BRAF: variants seen among roughly 807,000 people sequenced by gnomAD.
BRAF encodes B-Raf proto-oncogene, serine/threonine kinase, also known as serine/threonine-protein kinase B-raf.
BRAF carries 16 observed loss-of-function variants against 104.6 expected under a neutral mutation model. The ratio of observed to expected loss-of-function variants is 0.15; its 90% CI spans 0.10 to 0.23. The LOEUF (loss-of-function observed/expected upper bound fraction) is 0.23, where lower values mean the gene tolerates loss of function less well. Among genes scored for constraint, BRAF ranks in the 10% least tolerant of loss-of-function variants. The pLI, the probability that BRAF is intolerant of heterozygous loss-of-function variation, is 1.00. For missense variants in BRAF, 541 were observed against 937.3 expected, an observed-to-expected ratio of 0.58 and a Z score of 5.52; for synonymous variants, 310 against 341.6, an observed-to-expected ratio of 0.91 and a Z score of 1.02.
intron 1 of BRAF, among the ~76,000 whole-genome samples, chr7:140,891,063 T>A (rs933301939): frequency 6.6e-6 from 1 of 152,198 alleles, no homozygotes; most frequent in Non-Finnish European, 1.5e-5. Context: ...CACAGTACAG[T>A]AGAGGTATAC....
chr7:140,773,337 TC>T (rs896938243), intron 14 of BRAF: 5 of 152,232 alleles, frequency 3.3e-5, no homozygotes, highest in African/African-American at 1.2e-4. Context: ...CTAGGTGGAA[TC>T]CCTGATGTCA....
rs1803838576 is a variant in BRAF, at chr7:140,808,073, T to C, written c.609-11A>G. 6 of 1,586,062 alleles carry C rather than the reference T, an allele frequency of 3.8e-6. No homozygotes were observed. Among genetic ancestry groups the C allele is most frequent in the East Asian group, 2.2e-5 (1 of 44,688 alleles). ...ATTGGTTTCTTCTCTCTGAAAAATG[T>C]AGACACAAGCCTTTCTTGGTTATTA... On this transcript the variant is annotated splice_polypyrimidine_tract_variant and intron_variant, in intron 4 of 19. Coordinates refer to ENST00000644969, the MANE Select transcript of BRAF (RefSeq NM_001374258.1).
chr7:140,864,438 A>C (rs571313534), intron 1 of BRAF, among the ~76,000 whole-genome samples: 9 of 152,322 alleles, frequency 5.9e-5, no homozygotes, highest in African/African-American at 2.2e-4. Flanking sequence ...CTAAATGATC[A>C]AGAAGGCAGC....
chr7:140,894,703 C>T (rs1240170716), intron 1 of BRAF, among the ~76,000 whole-genome samples: 5 of 151,632 alleles, frequency 3.3e-5, no homozygotes, highest in African/African-American at 1.2e-4. Context: ...AGAGACAAAG[C>T]CCCCAAAGAA....
At chr7:140,858,958 T>C (rs1053177994) in intron 1 of BRAF, among the ~76,000 whole-genome samples, 4 of 152,032 alleles carry the variant, frequency 2.6e-5, no homozygotes, top group African/African-American at 9.7e-5. Flanking sequence ...ACCTATTAAC[T>C]ATAAAAACTA....
intron 8 of BRAF, among the ~76,000 whole-genome samples, chr7:140,791,131 G>A (rs943296526): frequency 5.3e-5 from 8 of 151,414 alleles, no homozygotes; most frequent in Admixed American, 4.0e-4. Context: ...AACAAAACCC[G>A]AAAAACCAAA....
chr7:140,782,339 T>C (rs758308738), intron 11 of BRAF, among the ~76,000 whole-genome samples: 2 of 152,268 alleles, frequency 1.3e-5, no homozygotes, highest in South Asian at 2.1e-4. Context: ...TATTTGTGAA[T>C]AGTTTTGGCT....
At chr7:140,822,575 ATTACT>A (rs1805601954) in intron 3 of BRAF, 1 of 152,228 alleles carries the variant, frequency 6.6e-6, no homozygotes, top group Non-Finnish European at 1.5e-5. Context: ...ACTCAGCATA[ATTACT>A]TTGAGATTCA....
chr7:140,724,906 T>C lies in BRAF; in HGVS notation c.*1588A>G, dbSNP rs1299445983. The C allele has an allele frequency of 2.9e-6, 3 of 1,036,476 alleles. No homozygotes were observed. Among genetic ancestry groups the C allele is most frequent in the Non-Finnish European group, 3.5e-6 (3 of 861,272 alleles). 64.2% of individuals were successfully genotyped at this position (1,036,476 alleles called of 1,614,324 possible). ...TATGACTGTGATTGATATTACCCTT[T>C]AATAAAGGCCAAAGGAAGCTATAAC... On this transcript the variant is annotated 3_prime_UTR_variant, in exon 20 of 20. Transcript: ENST00000644969.
At chr7:140,732,778 T>C (rs1796084773) in intron 19 of BRAF, 2 of 152,242 alleles carry the variant, frequency 1.3e-5, no homozygotes, top group South Asian at 2.1e-4. Flanking sequence ...TGGGAAATTA[T>C]AGAAGGAGCT....
At chr7:140,810,630 G>C (rs1329976892) in intron 3 of BRAF, among the ~76,000 whole-genome samples, 1 of 152,152 alleles carries the variant, frequency 6.6e-6, no homozygotes. Flanking sequence ...TTTGTCATGA[G>C]AGACTGGGCT....
intron 7 of BRAF, chr7:140,799,417 G>C (rs1169041201): frequency 4.3e-6 from 1 of 231,976 alleles, no homozygotes; most frequent in Admixed American, 5.6e-5. Flanking sequence ...TTAGTAATCT[G>C]CTTAAAGACC....
In BRAF at chr7:140,722,217, T is replaced by A; in HGVS notation, c.*4277A>T. 1 of 1,056,384 alleles carries A rather than the reference T, an allele frequency of 9.5e-7. No homozygotes were observed. Among genetic ancestry groups the A allele is most frequent in the East Asian group, 5.3e-5 (1 of 18,938 alleles). The allele number at this position is 1,056,384 out of a possible 1,614,324, so 65.4% of individuals were successfully genotyped here. On this transcript the variant is annotated 3_prime_UTR_variant, in exon 20 of 20. Coordinates refer to ENST00000644969, the MANE Select transcript of BRAF (RefSeq NM_001374258.1). ...TCTGACTATACTAGGGATTATGTGC[T>A]TTAAAAAAATAATTTTGTTCACTGA...
chr7:140,806,029 G>A (rs1488761929), intron 5 of BRAF, among the ~76,000 whole-genome samples: 1 of 152,100 alleles, frequency 6.6e-6, no homozygotes, highest in East Asian at 1.9e-4. Flanking sequence ...ATTTTCATGA[G>A]CTGGACTCTG....
Position 140,722,663 on chromosome 7 carries a change from ATTC to A in BRAF, c.*3828_*3830del. On this transcript the variant is annotated 3_prime_UTR_variant, in exon 20 of 20. Transcript: ENST00000644969. Reference sequence around the variant, plus strand: ...AGAGAATCTTGCAAAAAGAGTAATCATTCTACCCTCTTAGCTGGGTGGTCTTTC... The same window carrying A: ...AGAGAATCTTGCAAAAAGAGTAATCATACCCTCTTAGCTGGGTGGTCTTTC... 1 of 1,052,980 alleles carries A rather than the reference ATTC, an allele frequency of 9.5e-7. No homozygotes were observed. The highest frequency in any genetic ancestry group is 1.1e-6 in the Non-Finnish European group (1 of 871,528). The allele number at this position is 1,052,980 out of a possible 1,614,324, so 65.2% of individuals were successfully genotyped here. A position where few individuals can be genotyped will look rare whatever the true frequency, so the allele number is the denominator to read the frequency against.
intron 19 of BRAF, chr7:140,733,154 T>C (rs1032825111): frequency 8.5e-5 from 13 of 152,308 alleles, no homozygotes; most frequent in Admixed American, 4.6e-4. Context: ...GTAATTATTA[T>C]TGAGTGATTT....
intron 1 of BRAF, among the ~76,000 whole-genome samples, chr7:140,895,068 C>T (rs1428672077): frequency 2.6e-5 from 4 of 152,062 alleles, no homozygotes; most frequent in Admixed American, 2.6e-4. Context: ...GTCGTAAAAT[C>T]CCTAAATAAA....
chr7:140,776,816 TA>T, intron 14 of BRAF, 95 bp downstream of exon 13: 1 of 1,229,440 alleles, frequency 8.1e-7, no homozygotes, highest in Non-Finnish European at 1.2e-6. Flanking sequence ...GACAGTAATT[TA>T]AAATGCAATC....
At position 140,720,384 on chromosome 7, in the gene BRAF, C is replaced by T. The variant is rs146559925; in HGVS notation, c.*6110G>A. 1,964 of 1,062,050 alleles carry T rather than the reference C, an allele frequency of 1.8e-3. 1 individual carries two copies. The highest frequency in any genetic ancestry group is 3.8e-3 in the Middle Eastern group (9 of 2,380). The allele number at this position is 1,062,050 out of a possible 1,614,324, so 65.8% of individuals were successfully genotyped here. A position where few individuals can be genotyped will look rare whatever the true frequency, so the allele number is the denominator to read the frequency against. On this transcript the variant is annotated 3_prime_UTR_variant, in exon 20 of 20. Transcript: ENST00000644969. ...AAGGGGACAGCACAGAGACATACAC[C>T]CCTGTATGTAAACTAACATAACATG...
Sources: allele counts gnomAD v4.1 joint callset (sites outside exome capture counted in the v4.1 genomes callset), GRCh38; gene constraint gnomAD v4.1.1; transcripts MANE v1.5; gene names NCBI Gene and HGNC (gene_info 2026-07-23, HGNC 2026-07-21).